Variants in PDGFD observed in about 807,000 individuals in gnomAD.
The protein encoded by PDGFD is platelet-derived growth factor D.
Under a neutral mutation model 44.7 loss-of-function variants are expected in PDGFD, and 30 were observed. The observed-to-expected ratio is 0.67, with a 90% CI of 0.50 to 0.91. The LOEUF is 0.91. Ranked by LOEUF, PDGFD falls within the 40% of genes least tolerant of loss-of-function variation. PDGFD has a pLI of 0.00. For missense variants in PDGFD, 445 were observed against 457.8 expected (o/e 0.97, Z 0.25); for synonymous variants, 173 against 168.4 (o/e 1.03, Z -0.21).
At chr11:104,055,274 A>T (rs1341496863) in intron 1 of PDGFD, among the ~76,000 whole-genome samples, 1 of 152,194 alleles carries the variant, frequency 6.6e-6, no homozygotes, top group Non-Finnish European at 1.5e-5. Flanking sequence ...GTGAGTTTGA[A>T]TCTCTGGCCC....
chr11:104,069,508 C>T (rs1860842098), intron 1 of PDGFD, among the ~76,000 whole-genome samples: 1 of 152,190 alleles, frequency 6.6e-6, no homozygotes, highest in African/African-American at 2.4e-5. Context: ...AACTTTCACA[C>T]ATTTCTTTTA....
chr11:104,066,872 T>A (rs7943604), intron 1 of PDGFD, among the ~76,000 whole-genome samples: 1 of 151,936 alleles, frequency 6.6e-6, no homozygotes. Context: ...AAAGTACTTA[T>A]ACAACCAAAT....
At chr11:103,975,674 G>A (rs950205310) in intron 3 of PDGFD, among the ~76,000 whole-genome samples, 1 of 152,094 alleles carries the variant, frequency 6.6e-6, no homozygotes, top group Non-Finnish European at 1.5e-5. Flanking sequence ...TTTTGTATAA[G>A]GTATATGGAA....
intron 1 of PDGFD, among the ~76,000 whole-genome samples, chr11:104,071,771 C>T (rs1591149292): frequency 6.6e-6 from 1 of 151,476 alleles, no homozygotes; most frequent in East Asian, 1.9e-4. Flanking sequence ...GTCACCTATG[C>T]TTTTATCTAG....
chr11:104,006,491 C>T (rs924892256), intron 1 of PDGFD, among the ~76,000 whole-genome samples: 38 of 152,310 alleles, frequency 2.5e-4, no homozygotes, highest in African/African-American at 8.7e-4. Context: ...AGTTCCCCGG[C>T]AAAGGCCCCA....
intron 1 of PDGFD, among the ~76,000 whole-genome samples, chr11:104,091,970 G>A (rs1227041707): frequency 6.6e-6 from 1 of 152,076 alleles, no homozygotes; most frequent in African/African-American, 2.4e-5. Flanking sequence ...AACCTCATAC[G>A]TGTGCCTTTC....
intron 1 of PDGFD, among the ~76,000 whole-genome samples, chr11:104,155,751 A>G (rs1862298427): frequency 6.6e-6 from 1 of 152,214 alleles, no homozygotes; most frequent in Non-Finnish European, 1.5e-5. Context: ...TGAGTCTGCT[A>G]AACAGCTACA....
rs940833949 is a variant in PDGFD, at chr11:104,131,827, A to G, written c.124+31977T>C. On this transcript the variant is annotated intron_variant, in intron 1 of 6. Coordinates refer to ENST00000393158, the MANE Select transcript of PDGFD (RefSeq NM_025208.5). ...AAAAAAAAAAAAAAAAAAAAAAAAA[A>G]GGGGATGCTTGGTGATCTATCTACC... Among the ~76,000 whole-genome samples, 986 of 109,732 alleles carry G rather than the reference A, an allele frequency of 9.0e-3. 7 individuals are homozygous for G. Among genetic ancestry groups the G allele is most frequent in the African/African-American group, 0.031 (862 of 27,428 alleles). 72.0% of individuals were successfully genotyped at this position (109,732 alleles called of 152,430 possible).
chr11:104,069,522 T>C (rs1188211276), intron 1 of PDGFD, among the ~76,000 whole-genome samples: 1 of 152,232 alleles, frequency 6.6e-6, no homozygotes, highest in Non-Finnish European at 1.5e-5. Context: ...TCTTTTAGCA[T>C]TCATGAATGT....
intron 1 of PDGFD, among the ~76,000 whole-genome samples, chr11:104,136,498 C>T (rs1862006337): frequency 1.3e-5 from 2 of 152,128 alleles, no homozygotes. Context: ...ATAAGTGAAA[C>T]TCTTCTGGGG....
chr11:104,085,823 C>T (rs1412255467), intron 1 of PDGFD, among the ~76,000 whole-genome samples: 1 of 152,110 alleles, frequency 6.6e-6, no homozygotes, highest in Non-Finnish European at 1.5e-5. Context: ...GCCCTCTGCG[C>T]ACACATGGGA....
At chr11:104,041,180 G>T (rs1250290334) in intron 1 of PDGFD, among the ~76,000 whole-genome samples, 1 of 152,030 alleles carries the variant, frequency 6.6e-6, no homozygotes, top group East Asian at 1.9e-4. Context: ...CTCCCAGACA[G>T]ATTTTTATAC....
intron 1 of PDGFD, among the ~76,000 whole-genome samples, chr11:104,033,587 C>T (rs1860164434): frequency 6.6e-6 from 1 of 152,026 alleles, no homozygotes; most frequent in Non-Finnish European, 1.5e-5. Context: ...TTCATGTGAA[C>T]TCACAATTTT....
chr11:104,003,631 T>C (rs1304119429), intron 1 of PDGFD, among the ~76,000 whole-genome samples: 1 of 152,232 alleles, frequency 6.6e-6, no homozygotes, highest in Non-Finnish European at 1.5e-5. Flanking sequence ...TCAAGGATGC[T>C]GCCAGGGGAA....
chr11:104,103,764 T>TA (rs1259047377), intron 1 of PDGFD, among the ~76,000 whole-genome samples: 1 of 151,960 alleles, frequency 6.6e-6, no homozygotes, highest in Non-Finnish European at 1.5e-5. Context: ...CTGCCAGTCA[T>TA]AAAAAAAGTA....
intron 1 of PDGFD, among the ~76,000 whole-genome samples, chr11:104,002,052 C>A (rs1591115855): frequency 6.6e-6 from 1 of 152,178 alleles, no homozygotes; most frequent in East Asian, 1.9e-4. Context: ...CCACTCCCTG[C>A]CTCCAGATGA....
intron 1 of PDGFD, chr11:104,037,483 C>A (rs148823827): frequency 1.9e-6 from 3 of 1,614,092 alleles, no homozygotes; most frequent in Non-Finnish European, 2.5e-6. Flanking sequence ...AATCCGGCAG[C>A]AAAACATTGA....
At chr11:103,953,421 T>C (rs1858788311) in intron 3 of PDGFD, among the ~76,000 whole-genome samples, 1 of 152,166 alleles carries the variant, frequency 6.6e-6, no homozygotes, top group Non-Finnish European at 1.5e-5. Flanking sequence ...GAAGCAGGAC[T>C]GAAAAAGTAT....
chr11:104,124,544 C>G (rs1021143942), intron 1 of PDGFD, among the ~76,000 whole-genome samples: 2 of 152,048 alleles, frequency 1.3e-5, no homozygotes, highest in African/African-American at 4.8e-5. Context: ...TGTTCACATT[C>G]ATTTCTCATT....
Sources: allele counts gnomAD v4.1 joint callset (sites outside exome capture counted in the v4.1 genomes callset), GRCh38; gene constraint gnomAD v4.1.1; transcripts MANE v1.5; gene names NCBI Gene and HGNC (gene_info 2026-07-23, HGNC 2026-07-21).